Variants in SASH1 observed in about 807,000 individuals in gnomAD.
The protein encoded by SASH1 is SAM and SH3 domain containing 1, also known as SAM and SH3 domain-containing protein 1.
A neutral mutation model predicts 125.2 loss-of-function variants in SASH1; 44 were observed. The ratio of observed to expected loss-of-function variants is 0.35; its 90% CI spans 0.28 to 0.45. SASH1 has a LOEUF of 0.45. SASH1 is among the 20% of genes least tolerant of loss of function. SASH1 has a pLI of 1.00. For missense variants in SASH1, 1,426 were observed against 1,614.5 expected (o/e 0.88, Z 2.00); for synonymous variants, 639 against 649.1 (o/e 0.98, Z 0.24).
intron 1 of SASH1, among the ~76,000 whole-genome samples, chr6:148,352,115 G>A (rs992420615): frequency 1.2e-4 from 18 of 152,158 alleles, no homozygotes; most frequent in African/African-American, 4.1e-4. Context: ...AAACTGATAG[G>A]TAGAATAGTA....
intron 7 of SASH1, among the ~76,000 whole-genome samples, chr6:148,482,688 A>ATTTTTTTTTCTTTTTT (rs1778679163): frequency 1.0e-5 from 1 of 99,922 alleles, no homozygotes; most frequent in Non-Finnish European, 1.9e-5. Flanking sequence ...CACCTGGCTA[A>ATTTTTTTTTCTTTTTT]TTTTTTTTTT....
At chr6:148,230,137 AT>A in the SASH1 span, among the ~76,000 whole-genome samples, 1 of 152,174 alleles carries the variant, frequency 6.6e-6, no homozygotes, top group African/African-American at 2.4e-5. Flanking sequence ...TATTCTGAAT[AT>A]TTTATATAAA....
At chr6:148,423,822 A>C in intron 2 of SASH1, among the ~76,000 whole-genome samples, 1 of 152,140 alleles carries the variant, frequency 6.6e-6, no homozygotes, top group East Asian at 1.9e-4. Flanking sequence ...GCTGTTGCCA[A>C]CTTTGGAAGG....
rs537312911 is a variant in SASH1, at chr6:148,414,274, T to A, written c.285+24012T>A. On this transcript the variant is annotated intron_variant, in intron 2 of 19. Coordinates refer to ENST00000367467, the MANE Select transcript of SASH1 (RefSeq NM_015278.5). ...GCGTGTTCCCATATGTATATTCATG[T>A]GGACACTTTTGTGGATGCAAATGTC... Among the ~76,000 whole-genome samples, 8 of 152,262 alleles carry A rather than the reference T, an allele frequency of 5.3e-5. No individual in the cohort carries two copies. In the South Asian group the frequency reaches 1.7e-3, roughly 32 times the overall value.
intron 4 of SASH1, among the ~76,000 whole-genome samples, chr6:148,466,893 T>G (rs1777861129): frequency 6.6e-6 from 1 of 152,084 alleles, no homozygotes; most frequent in Non-Finnish European, 1.5e-5. Flanking sequence ...AAATCACCTC[T>G]TCCATCTTCC....
intron 1 of SASH1, among the ~76,000 whole-genome samples, chr6:148,281,513 A>G (rs1468090644): frequency 7.2e-5 from 11 of 152,200 alleles, no homozygotes; most frequent in Admixed American, 7.2e-4. Context: ...TCAAGGAAGA[A>G]ATGGGACCGA....
chr6:148,217,038 A>C, the SASH1 span, among the ~76,000 whole-genome samples: 1 of 152,088 alleles, frequency 6.6e-6, no homozygotes, highest in Non-Finnish European at 1.5e-5. Context: ...AATGTCTCTC[A>C]TCTCTATCAG....
At chr6:148,280,039 A>T (rs75634421) in intron 1 of SASH1, among the ~76,000 whole-genome samples, 1 of 83,626 alleles carries the variant, frequency 1.2e-5, no homozygotes, top group East Asian at 4.1e-4. Flanking sequence ...CATTCCCCCC[A>T]ACATTCCCCC....
intron 1 of SASH1, among the ~76,000 whole-genome samples, chr6:148,344,795 G>T (rs369857620): frequency 1.4e-5 from 2 of 146,382 alleles, no homozygotes; most frequent in East Asian, 2.0e-4. Flanking sequence ...TTGCTCCGTC[G>T]CCCAGGCTGG....
At chr6:148,207,270 G>C in the SASH1 span, among the ~76,000 whole-genome samples, 1 of 152,196 alleles carries the variant, frequency 6.6e-6, no homozygotes, top group Non-Finnish European at 1.5e-5. Context: ...CTGAGCATTT[G>C]TAATGTGCCA....
intron 12 of SASH1, 80 bp from the exon 13 acceptor site, chr6:148,531,446 G>A (rs1781509590): frequency 7.8e-7 from 1 of 1,279,666 alleles, no homozygotes; most frequent in Admixed American, 2.9e-5. Flanking sequence ...TGATTTCGTT[G>A]AAGGCCAAGT....
intron 16 of SASH1, among the ~76,000 whole-genome samples, chr6:148,537,605 AT>A (rs1781926508): frequency 6.6e-6 from 1 of 152,184 alleles, no homozygotes; most frequent in African/African-American, 2.4e-5. Flanking sequence ...ATATTTTCTT[AT>A]TTCTTTTACA....
chr6:148,398,866 G>C (rs1484995070), intron 2 of SASH1, among the ~76,000 whole-genome samples: 1 of 152,192 alleles, frequency 6.6e-6, no homozygotes, highest in East Asian at 1.9e-4. Flanking sequence ...TGGTAATACA[G>C]TTCTGTGCTC....
intron 2 of SASH1, among the ~76,000 whole-genome samples, chr6:148,406,825 G>C (rs1182229714): frequency 2.7e-5 from 3 of 110,704 alleles, no homozygotes; most frequent in African/African-American, 7.2e-5. Context: ...GAACAGAGAG[G>C]ATCAGGCGCT....
rs150016715 is a variant in SASH1, at chr6:148,516,326, G to A, written c.862+1870G>A. On this transcript the variant is annotated intron_variant, in intron 9 of 19. Transcript: ENST00000367467. Reference sequence around the variant, plus strand: ...CAGGTGTGTGTGTGTAGCTCAAGGCGCCTGCTTTGGGCTGCCCTCCAATTC... The same window carrying A: ...CAGGTGTGTGTGTGTAGCTCAAGGCACCTGCTTTGGGCTGCCCTCCAATTC... 4.7e-3 allele frequency among the ~76,000 whole-genome samples: 715 copies of A among 151,960 alleles called. 11 individuals carry two copies. The highest frequency in any genetic ancestry group is 0.016 in the African/African-American group (668 of 41,424).
intron 1 of SASH1, among the ~76,000 whole-genome samples, chr6:148,327,618 T>C (rs1780865905): frequency 2.0e-5 from 3 of 149,322 alleles, no homozygotes; most frequent in African/African-American, 7.4e-5. Flanking sequence ...AGAAGAAAGA[T>C]TAGTCAAAAT....
intron 4 of SASH1, among the ~76,000 whole-genome samples, chr6:148,446,088 CTTTTTTTTTTTTTTTTTTTTTTTTTTT>C (rs576798745): frequency 2.8e-5 from 2 of 71,002 alleles, no homozygotes; most frequent in African/African-American, 1.1e-4. Flanking sequence ...ACATAGGGTT[CTTTTTTTTTTTTTTTTTTTTTTTTTTT>C]TTTTTTTTTT....
chr6:148,196,921 C>G, the SASH1 span, among the ~76,000 whole-genome samples: 1 of 151,856 alleles, frequency 6.6e-6, no homozygotes, highest in Non-Finnish European at 1.5e-5. Context: ...ATGATGGTGT[C>G]GAGTAAATGC....
At chr6:148,481,006 G>A (rs1199376214) in intron 7 of SASH1, among the ~76,000 whole-genome samples, 1 of 97,352 alleles carries the variant, frequency 1.0e-5, no homozygotes, top group Non-Finnish European at 2.7e-5. Context: ...AGGAAGTCGA[G>A]CTCATTAGTA....
Sources: allele counts gnomAD v4.1 joint callset (sites outside exome capture counted in the v4.1 genomes callset), GRCh38; gene constraint gnomAD v4.1.1; transcripts MANE v1.5; gene names NCBI Gene and HGNC (gene_info 2026-07-23, HGNC 2026-07-21).